Variants in PCNX2 observed in about 807,000 individuals in gnomAD.
PCNX2 encodes pecanex 2, also known as pecanex-like protein 2.
Under a neutral mutation model 223.8 loss-of-function variants are expected in PCNX2, and 168 were observed. The ratio of observed to expected loss-of-function variants is 0.75; its 90% CI spans 0.66 to 0.85. The LOEUF is 0.85. Ranked by LOEUF, PCNX2 falls within the 40% of genes least tolerant of loss-of-function variation. The probability of loss-of-function intolerance (pLI) is 0.00; values close to 1 mark genes in which losing one functional copy is unlikely to be tolerated. For missense variants in PCNX2, 2,507 were observed against 2,675.5 expected, an observed-to-expected ratio of 0.94 and a Z score of 1.39; for synonymous variants, 1,006 against 1,052.6, an observed-to-expected ratio of 0.96 and a Z score of 0.86.
intron 23 of PCNX2, among the ~76,000 whole-genome samples, chr1:233,084,258 A>G (rs1330726202): frequency 1.3e-5 from 2 of 152,228 alleles, no homozygotes; most frequent in Admixed American, 6.5e-5. Context: ...TGCCTCAGTA[A>G]GAGATGAGGA....
intron 23 of PCNX2, among the ~76,000 whole-genome samples, chr1:233,076,461 C>T (rs532690277): frequency 9.2e-5 from 14 of 152,218 alleles, no homozygotes; most frequent in African/African-American, 3.1e-4. Flanking sequence ...CCACTTGTCT[C>T]GGGAGAGGCA....
chr1:232,986,239 G>A lies in PCNX2; in HGVS notation c.6093C>T (p.Phe2031=), dbSNP rs1181405208. ...TGGAAAAGCTCCTCTTGCCGAAGAG[G>A]AAGCTCAGGGTGGAGCTGGTGGAGG... The part of the protein sequence containing the change: ...LGSSTSSTLS[F]LFGKRSFSSA... The change falls in exon 33 of 34, where the codon TTC becomes TTT. Residue 2031 remains phenylalanine (F), a synonymous_variant. Transcript: ENST00000258229. 1.3e-6 allele frequency: 2 copies of A among 1,560,062 alleles called. No individual in the cohort carries two copies. The highest frequency in any genetic ancestry group is 1.7e-6 in the Non-Finnish European group (2 of 1,152,110).
intron 8 of PCNX2, among the ~76,000 whole-genome samples, chr1:233,245,640 G>A (rs914066613): frequency 6.6e-6 from 1 of 152,226 alleles, no homozygotes; most frequent in African/African-American, 2.4e-5. Context: ...AATCGGCTGG[G>A]CGTGGTGACT....
At chr1:233,223,118 T>C (rs961275896) in intron 10 of PCNX2, among the ~76,000 whole-genome samples, 5 of 152,156 alleles carry the variant, frequency 3.3e-5, no homozygotes, top group Non-Finnish European at 7.4e-5. Flanking sequence ...TCCCTTCCTA[T>C]GTAGCAGTGA....
chr1:233,121,279 T>G (rs911540021), intron 21 of PCNX2, among the ~76,000 whole-genome samples: 3 of 152,158 alleles, frequency 2.0e-5, no homozygotes, highest in Admixed American at 1.3e-4. Flanking sequence ...AGATCCAGCA[T>G]AAACCCATTC....
At chr1:233,141,673 A>C (rs1205446911) in intron 19 of PCNX2, among the ~76,000 whole-genome samples, 2 of 150,952 alleles carry the variant, frequency 1.3e-5, no homozygotes, top group Non-Finnish European at 2.9e-5. Flanking sequence ...ACTCCATCTC[A>C]GAAAAAAGAA....
At chr1:233,043,513 G>A (rs1359821661) in intron 25 of PCNX2, among the ~76,000 whole-genome samples, 2 of 151,166 alleles carry the variant, frequency 1.3e-5, no homozygotes, top group Admixed American at 1.3e-4. Context: ...CCATTAACTC[G>A]TCATTTAGCA....
At chr1:233,123,587 A>C (rs2057632) in intron 21 of PCNX2, among the ~76,000 whole-genome samples, 1 of 132,292 alleles carries the variant, frequency 7.6e-6, no homozygotes. Context: ...TGTCTCAAAA[A>C]AAAAAAAAAT....
chr1:233,276,507 A>C (rs1449104122), intron 1 of PCNX2, among the ~76,000 whole-genome samples: 1 of 152,212 alleles, frequency 6.6e-6, no homozygotes, highest in Non-Finnish European at 1.5e-5. Flanking sequence ...ACAATTCTTA[A>C]AGTAATTATT....
chr1:233,037,771 A>G (rs1234126476), intron 25 of PCNX2, among the ~76,000 whole-genome samples: 1 of 152,220 alleles, frequency 6.6e-6, no homozygotes, highest in Admixed American at 6.5e-5. Flanking sequence ...CAACAGTTTT[A>G]CATCCCAAGG....
At chr1:233,114,523 G>A (rs1187080130) in intron 21 of PCNX2, among the ~76,000 whole-genome samples, 1 of 152,184 alleles carries the variant, frequency 6.6e-6, no homozygotes, top group Non-Finnish European at 1.5e-5. Context: ...TACAAAATAT[G>A]GCTTGTGATT....
intron 21 of PCNX2, among the ~76,000 whole-genome samples, chr1:233,100,360 G>A (rs1349282121): frequency 2.1e-5 from 3 of 144,368 alleles, no homozygotes; most frequent in African/African-American, 7.8e-5. Flanking sequence ...AGAAGTTTCA[G>A]TGAGCTGAGA....
intron 1 of PCNX2, among the ~76,000 whole-genome samples, chr1:233,272,013 A>G (rs1660662679): frequency 1.3e-5 from 2 of 152,130 alleles, no homozygotes; most frequent in Non-Finnish European, 2.9e-5. Flanking sequence ...CTGTGAAAAA[A>G]TGAAGACCTG....
intron 21 of PCNX2, among the ~76,000 whole-genome samples, chr1:233,114,986 A>G (rs1675323200): frequency 6.6e-6 from 1 of 152,050 alleles, no homozygotes; most frequent in African/African-American, 2.4e-5. Context: ...AATGCAAAAC[A>G]CACAGGCTTA....
chr1:233,147,208 T>G (rs1230923744), intron 19 of PCNX2, among the ~76,000 whole-genome samples: 1 of 152,180 alleles, frequency 6.6e-6, no homozygotes, highest in East Asian at 1.9e-4. Context: ...AATTTAACGT[T>G]GACTCCCCCA....
chr1:233,119,403 CAA>C (rs71173251), intron 21 of PCNX2, among the ~76,000 whole-genome samples: 137 of 38,608 alleles, frequency 3.5e-3, no homozygotes, highest in African/African-American at 0.015. Flanking sequence ...ACTAAAAATA[CAA>C]AAAAAAAAAA....
chr1:233,106,595 G>A lies in PCNX2; in HGVS notation c.3838-10732C>T, dbSNP rs1036584314. On this transcript the variant is annotated intron_variant, in intron 21 of 33. Coordinates refer to ENST00000258229, the MANE Select transcript of PCNX2 (RefSeq NM_014801.4). Reference sequence around the variant, plus strand: ...TCTCGATCTCCTTACCTCGTGATCCGCCCGCCTCAGCCTCCCAAAGTGCAG... The same window carrying A: ...TCTCGATCTCCTTACCTCGTGATCCACCCGCCTCAGCCTCCCAAAGTGCAG... Among the ~76,000 whole-genome samples, 4 of 151,768 alleles carry A rather than the reference G, an allele frequency of 2.6e-5. 1 individual carries two copies. Among genetic ancestry groups the A allele is most frequent in the African/African-American group, 7.3e-5 (3 of 41,312 alleles).
chr1:233,009,511 A>G (rs1440404904), intron 28 of PCNX2, among the ~76,000 whole-genome samples: 1 of 152,268 alleles, frequency 6.6e-6, no homozygotes, highest in Non-Finnish European at 1.5e-5. Context: ...ATATTTGTAA[A>G]GTAGTTTGAC....
Position 233,252,374 on chromosome 1 carries a change from T to G in PCNX2, c.2108A>C (p.His703Pro). 1 of 1,610,860 alleles carries G rather than the reference T, an allele frequency of 6.2e-7. No individual in the cohort carries two copies. Among genetic ancestry groups the G allele is most frequent in the South Asian group, 1.1e-5 (1 of 90,620 alleles). Residue 703 changes from histidine to proline, a missense_variant, in exon 7 of 34, where the codon CAT (histidine) becomes CCT (proline). This residue lies in a region of PCNX2 where 1,031 missense variants were observed against 1,021.7 expected (regional missense o/e 1.01). Coordinates refer to ENST00000258229, the MANE Select transcript of PCNX2 (RefSeq NM_014801.4). ...VQEEISVDAM[H>P]VFIDEHGEIR... ...CTCACCATGTTCATCAATGAAGACA[T>G]GCATAGCATCCACAGATATCTCTTC...
Sources: gnomAD v4.1 joint callset for allele counts (sites outside exome capture counted in the v4.1 genomes callset) on GRCh38, gnomAD v4.1.1 for gene constraint, gnomAD v4.1.1 regional missense constraint, MANE v1.5 for transcripts, NCBI Gene and HGNC (gene_info 2026-07-23, HGNC 2026-07-21) for gene names.